MVB12B: variants seen among roughly 807,000 people sequenced by gnomAD.
The protein encoded by MVB12B is ESCRT-I complex subunit MVB12B.
MVB12B carries 16 observed loss-of-function variants against 41.6 expected under a neutral mutation model. The ratio of observed to expected loss-of-function variants is 0.38; its 90% CI spans 0.26 to 0.58. The LOEUF is 0.58. Among genes scored for constraint, MVB12B ranks in the 20% least tolerant of loss-of-function variants. The pLI is 0.62. For synonymous variants in MVB12B, 133 were observed against 139.7 expected (o/e 0.95, Z 0.34); for missense variants, 274 against 380.2 (o/e 0.72, Z 2.32).
intron 6 of MVB12B, among the ~76,000 whole-genome samples, chr9:126,399,318 G>A (rs567806219): frequency 6.6e-5 from 10 of 152,330 alleles, no homozygotes; most frequent in South Asian, 6.2e-4. Context: ...ATCTCTGGCC[G>A]CAGGCGCTCC....
At chr9:126,336,401 C>T (rs988385334) in intron 1 of MVB12B, among the ~76,000 whole-genome samples, 1 of 152,256 alleles carries the variant, frequency 6.6e-6, no homozygotes, top group African/African-American at 2.4e-5. Flanking sequence ...TGCTGACTTT[C>T]AGGGATTAAA....
rs1832117007 is a variant in MVB12B, at chr9:126,424,555, C to T, written c.757+2607C>T. On this transcript the variant is annotated intron_variant, in intron 7 of 9. Coordinates refer to ENST00000361171, the MANE Select transcript of MVB12B (RefSeq NM_033446.3). The stretch of plus-strand genomic sequence containing the variant: ...CTGGGACCACCACCTCCTACCAGCC[C>T]ACCCATCCCTGTGAGATCCTTCCTC... Among the ~76,000 whole-genome samples the T allele has an allele frequency of 2.6e-5, 4 of 152,248 alleles. No homozygotes were observed. The South Asian group carries it at 8.3e-4, about 31-fold the overall frequency.
At position 126,503,098 on chromosome 9, in the gene MVB12B, CTT is replaced by C. The variant is rs1833994133; in HGVS notation, c.874-78_874-77del. 2.3e-6 allele frequency: 3 copies of C among 1,292,436 alleles called. No homozygotes were observed. The Admixed American group carries it at 5.9e-5, about 26-fold the overall frequency. The allele number at this position is 1,292,436 out of a possible 1,614,324, so 80.1% of individuals were successfully genotyped here. A position where few individuals can be genotyped will look rare whatever the true frequency, so the allele number is the denominator to read the frequency against. The stretch of plus-strand genomic sequence containing the variant: ...GAGGCGGCCCAGGCCTCTGCCTGAT[CTT>C]GATCTGAGGCTGTGGAGGGGTTTCC... On this transcript the variant is annotated intron_variant, in intron 9 of 9. Transcript: ENST00000361171.
chr9:126,376,183 T>G lies in MVB12B; in HGVS notation c.205-4881T>G, dbSNP rs1171157385. Among the ~76,000 whole-genome samples the G allele has an allele frequency of 1.3e-5, 2 of 152,212 alleles. No homozygotes were observed. The highest frequency in any genetic ancestry group is 4.8e-5 in the African/African-American group (2 of 41,456). On this transcript the variant is annotated intron_variant, in intron 2 of 9. Transcript: ENST00000361171. The surrounding 1 kb of genome is among the most constrained non-coding windows in gnomAD (Gnocchi z 4.1). Reference sequence around the variant, plus strand: ...AGCTTTCTCTTCCAGTGTTTACAGTTTCTAATCTCTTTATATTGTCCTCAA... The same window carrying G: ...AGCTTTCTCTTCCAGTGTTTACAGTGTCTAATCTCTTTATATTGTCCTCAA...
chr9:126,446,498 G>GA (rs1386149287), intron 7 of MVB12B, among the ~76,000 whole-genome samples: 81 of 98,014 alleles, frequency 8.3e-4, no homozygotes, highest in African/African-American at 2.9e-3. Flanking sequence ...TCATTTTGGG[G>GA]AAAAAAGAAC....
In MVB12B at chr9:126,355,580, G is replaced by A. The variant is rs982479892; in HGVS notation, c.204+14950G>A. On this transcript the variant is annotated intron_variant, in intron 2 of 9. Transcript: ENST00000361171. Reference sequence around the variant, plus strand: ...GGCCTGCTGGCTTCAAATGATTTAGGAAGCAGCCTGCTGACCACAGGAAGA... The same window carrying A: ...GGCCTGCTGGCTTCAAATGATTTAGAAAGCAGCCTGCTGACCACAGGAAGA... Among the ~76,000 whole-genome samples, 4 of 152,232 alleles carry A rather than the reference G, an allele frequency of 2.6e-5. No homozygotes were observed. The South Asian group carries it at 8.3e-4, about 32-fold the overall frequency.
At chr9:126,435,755 C>T (rs566663261) in intron 7 of MVB12B, among the ~76,000 whole-genome samples, 61 of 152,144 alleles carry the variant, frequency 4.0e-4, no homozygotes, top group Admixed American at 3.3e-3. Context: ...TCACTTGCTG[C>T]CAGGCCGGCG....
intron 2 of MVB12B, among the ~76,000 whole-genome samples, chr9:126,348,816 C>A (rs537032717): frequency 6.6e-6 from 1 of 152,238 alleles, no homozygotes; most frequent in South Asian, 2.1e-4. Context: ...CTGTTTACCC[C>A]CCACCAATGG....
intron 6 of MVB12B, among the ~76,000 whole-genome samples, chr9:126,414,808 G>A (rs977887282): frequency 4.6e-5 from 7 of 151,782 alleles, no homozygotes; most frequent in South Asian, 2.1e-4. Flanking sequence ...CATCATTCTC[G>A]TGGACCTCTC....
At chr9:126,394,385 T>TA in intron 5 of MVB12B, among the ~76,000 whole-genome samples, 1 of 152,376 alleles carries the variant, frequency 6.6e-6, no homozygotes, top group South Asian at 2.1e-4. Flanking sequence ...AGTATGTACC[T>TA]TGATAAAACC....
intron 7 of MVB12B, among the ~76,000 whole-genome samples, chr9:126,430,683 G>A (rs1013038111): frequency 3.3e-5 from 5 of 151,282 alleles, no homozygotes; most frequent in African/African-American, 1.2e-4. Context: ...CCTGTCCTGT[G>A]CTCCTGAGGG....
At chr9:126,498,385 A>G (rs548023355) in intron 9 of MVB12B, among the ~76,000 whole-genome samples, 1 of 151,536 alleles carries the variant, frequency 6.6e-6, no homozygotes, top group African/African-American at 2.4e-5. Context: ...GTGTCTGTCC[A>G]CCCCTGCACC....
At chr9:126,342,694 G>A (rs1829480279) in intron 2 of MVB12B, among the ~76,000 whole-genome samples, 1 of 152,190 alleles carries the variant, frequency 6.6e-6, no homozygotes, top group Admixed American at 6.5e-5. Context: ...CTGGCCTCTG[G>A]ACTGTGTGCA....
rs1377891714 is a variant in MVB12B, at chr9:126,430,486, A to G, written c.757+8538A>G. ...CGCTGCTGATGCTCTCTCCTGGTTT[A>G]CCCCACACTACTCTGTTGGAGAGTT... is the stretch of plus-strand genomic sequence containing the variant. On this transcript the variant is annotated intron_variant, in intron 7 of 9. Transcript: ENST00000361171. Among the ~76,000 whole-genome samples the G allele has an allele frequency of 2.0e-5, 3 of 150,964 alleles. No homozygotes were observed. In the East Asian group the frequency reaches 5.8e-4, roughly 29 times the overall value.
At chr9:126,341,998 T>C (rs1395454926) in intron 2 of MVB12B, among the ~76,000 whole-genome samples, 1 of 152,274 alleles carries the variant, frequency 6.6e-6, no homozygotes, top group Non-Finnish European at 1.5e-5. Context: ...AGGAAACTTT[T>C]CTGACAAACA....
At chr9:126,474,918 G>C (rs1023342794) in intron 7 of MVB12B, among the ~76,000 whole-genome samples, 2 of 152,148 alleles carry the variant, frequency 1.3e-5, no homozygotes, top group Non-Finnish European at 2.9e-5. Context: ...GGCTCTGAGC[G>C]CCCCACTCAA....
At chr9:126,479,953 C>A (rs548857962) in intron 7 of MVB12B, among the ~76,000 whole-genome samples, 1 of 152,166 alleles carries the variant, frequency 6.6e-6, no homozygotes, top group Non-Finnish European at 1.5e-5. Flanking sequence ...TTTCCTCTTG[C>A]TTTGCTGCTT....
At chr9:126,405,121 C>T (rs952832356) in intron 6 of MVB12B, among the ~76,000 whole-genome samples, 1 of 152,002 alleles carries the variant, frequency 6.6e-6, no homozygotes. Context: ...CTGGCCTTGG[C>T]GTTCGCAGTC....
At chr9:126,461,869 G>A (rs1190944068) in intron 7 of MVB12B, among the ~76,000 whole-genome samples, 13 of 152,196 alleles carry the variant, frequency 8.5e-5, no homozygotes, top group South Asian at 2.1e-4. Context: ...AGAGCATGGG[G>A]GCCCTCGCCC....
Sources: allele counts gnomAD v4.1 joint callset (sites outside exome capture counted in the v4.1 genomes callset), GRCh38; gene constraint gnomAD v4.1.1; non-coding constraint Gnocchi (gnomAD v3.1); transcripts MANE v1.5; gene names NCBI Gene and HGNC (gene_info 2026-07-23, HGNC 2026-07-21).